Variants in KIZ observed in about 807,000 individuals in gnomAD.
KIZ encodes centrosomal protein kizuna.
Under a neutral mutation model 79.6 loss-of-function variants are expected in KIZ, and 68 were observed. The observed-to-expected ratio is 0.85, with a 90% CI of 0.70 to 1.05. The LOEUF is 1.05. Ranked by LOEUF, KIZ falls within the 50% of genes least tolerant of loss-of-function variation. The pLI is 0.00. For missense variants in KIZ, 797 were observed against 800.4 expected, an observed-to-expected ratio of 1.00 and a Z score of 0.05; for synonymous variants, 280 against 281.8, an observed-to-expected ratio of 0.99 and a Z score of 0.06.
At chr20:21,239,759 T>A (rs1285099293) in intron 11 of KIZ, among the ~76,000 whole-genome samples, 3 of 152,238 alleles carry the variant, frequency 2.0e-5, no homozygotes, top group African/African-American at 7.2e-5. Context: ...GTATAGAGTG[T>A]TCACTGTGTG....
At chr20:21,184,406 T>C (rs943334801) in intron 6 of KIZ, among the ~76,000 whole-genome samples, 1 of 152,202 alleles carries the variant, frequency 6.6e-6, no homozygotes, top group Non-Finnish European at 1.5e-5. Context: ...CTGCTCGGCC[T>C]CCCAAAGGGC....
chr20:21,208,316 CT>C (rs1380337541), intron 7 of KIZ, among the ~76,000 whole-genome samples: 2 of 152,140 alleles, frequency 1.3e-5, no homozygotes, highest in Non-Finnish European at 2.9e-5. Context: ...TCTGTTTCCC[CT>C]AATAGATCTT....
At chr20:21,190,488 A>C (rs1252018610) in intron 6 of KIZ, among the ~76,000 whole-genome samples, 1 of 152,240 alleles carries the variant, frequency 6.6e-6, no homozygotes, top group Non-Finnish European at 1.5e-5. Flanking sequence ...TGTGGATGGG[A>C]GAGTCACTAG....
At chr20:21,186,969 C>T (rs1275167221) in intron 6 of KIZ, among the ~76,000 whole-genome samples, 2 of 152,088 alleles carry the variant, frequency 1.3e-5, no homozygotes, top group Non-Finnish European at 2.9e-5. Context: ...CAGTTTAATA[C>T]AGGGCAGGTT....
At chr20:21,192,759 G>T (rs2035169617) in intron 6 of KIZ, among the ~76,000 whole-genome samples, 1 of 152,138 alleles carries the variant, frequency 6.6e-6, no homozygotes, top group African/African-American at 2.4e-5. Flanking sequence ...GGGGAGGGGA[G>T]ATGGGGAAAG....
intron 7 of KIZ, 92 bp downstream of exon 7, chr20:21,205,676 G>T (rs199869145): frequency 1.9e-6 from 1 of 537,786 alleles, no homozygotes; most frequent in South Asian, 2.7e-5. Context: ...AAAAAAAAAA[G>T]TTTTGGCCAG....
intron 6 of KIZ, chr20:21,166,122 A>T: frequency 1.3e-6 from 1 of 790,812 alleles, no homozygotes; most frequent in East Asian, 2.6e-5. Flanking sequence ...ATGTGCCGCC[A>T]TGCTTGGCTA....
rs1327313835 is a variant in KIZ at position 21,209,919 on chromosome 20, A to G, written c.1446+4335A>G. Reference sequence around the variant, plus strand: ...GAAATTGGATTTCTTTAGAGCGAGCATATGTTTTCTTTTAAAAACAAGCAT... The same window carrying G: ...GAAATTGGATTTCTTTAGAGCGAGCGTATGTTTTCTTTTAAAAACAAGCAT... On this transcript the variant is annotated intron_variant, in intron 7 of 12. Coordinates refer to ENST00000619189, the MANE Select transcript of KIZ (RefSeq NM_018474.6). Among the ~76,000 whole-genome samples the G allele has an allele frequency of 2.6e-5, 3 of 114,790 alleles. No homozygotes were observed. In the East Asian group the frequency reaches 8.2e-4, roughly 32 times the overall value. 75.3% of individuals were successfully genotyped at this position (114,790 alleles called of 152,430 possible).
chr20:21,128,612 TAC>T (rs2031636754), intron 1 of KIZ, among the ~76,000 whole-genome samples: 1 of 152,230 alleles, frequency 6.6e-6, no homozygotes, highest in Non-Finnish European at 1.5e-5. Flanking sequence ...CCTATGTGTG[TAC>T]AGTGTTTTTT....
At chr20:21,210,972 T>C (rs1249642152) in intron 7 of KIZ, among the ~76,000 whole-genome samples, 1 of 152,206 alleles carries the variant, frequency 6.6e-6, no homozygotes, top group African/African-American at 2.4e-5. Flanking sequence ...TTGCAAAAAC[T>C]TTTTAAATAT....
intron 9 of KIZ, among the ~76,000 whole-genome samples, chr20:21,225,154 A>T (rs1034391669): frequency 1.3e-5 from 2 of 152,052 alleles, no homozygotes; most frequent in Non-Finnish European, 2.9e-5. Context: ...TGTAGACTGC[A>T]TGAGATGGCC....
chr20:21,185,266 T>C (rs1301752305), intron 6 of KIZ, among the ~76,000 whole-genome samples: 1 of 152,182 alleles, frequency 6.6e-6, no homozygotes. Flanking sequence ...CGGTTTTCCT[T>C]TGTCAGTGTA....
intron 9 of KIZ, among the ~76,000 whole-genome samples, chr20:21,227,102 T>C (rs767147281): frequency 1.3e-5 from 2 of 152,230 alleles, no homozygotes; most frequent in South Asian, 2.1e-4. Flanking sequence ...TCACTTCACA[T>C]TGGTAATTTC....
chr20:21,152,469 G>C (rs908567557), intron 4 of KIZ, among the ~76,000 whole-genome samples: 10 of 152,052 alleles, frequency 6.6e-5, no homozygotes, highest in Admixed American at 5.2e-4. Context: ...CTATCCCTCT[G>C]ATGTAGTTCT....
upstream of KIZ, chr20:21,125,983 G>A (rs980227454): frequency 4.7e-6 from 6 of 1,274,270 alleles, no homozygotes; most frequent in Non-Finnish European, 6.0e-6. Flanking sequence ...CCGCCCCCAC[G>A]GCGTCTTGCC....
At chr20:21,207,426 A>C (rs1600540661) in intron 7 of KIZ, among the ~76,000 whole-genome samples, 25 of 115,718 alleles carry the variant, frequency 2.2e-4, no homozygotes, top group African/African-American at 3.6e-4. Flanking sequence ...TTTGTTTCAG[A>C]CCCCCTCCTC....
chr20:21,219,764 AT>A (rs2036439952), intron 9 of KIZ, among the ~76,000 whole-genome samples: 1 of 151,874 alleles, frequency 6.6e-6, no homozygotes, highest in South Asian at 2.1e-4. Context: ...TCCCTTTCTC[AT>A]TTGCTTATCA....
chr20:21,198,428 G>A (rs2035450899), intron 6 of KIZ: 1 of 152,322 alleles, frequency 6.6e-6, no homozygotes, highest in Non-Finnish European at 1.5e-5. Context: ...CTCAGGAGTG[G>A]TCAGTAGATG....
At position 21,228,476 on chromosome 20, in the gene KIZ, C is replaced by T. The variant is rs1486503095; in HGVS notation, c.1679-535C>T. On this transcript the variant is annotated intron_variant, in intron 9 of 12. Transcript: ENST00000619189. ...CACCTGGCTTTGCTCTCTACAAACC[C>T]GTTCTCGCTCCTTCCCCATGGCAAG... is the stretch of plus-strand genomic sequence containing the variant. Among the ~76,000 whole-genome samples the T allele has an allele frequency of 3.9e-5, 6 of 152,112 alleles. No individual in the cohort carries two copies. In the East Asian group the frequency reaches 1.2e-3, roughly 29 times the overall value.
Sources: gnomAD v4.1 joint callset for allele counts (sites outside exome capture counted in the v4.1 genomes callset) on GRCh38, gnomAD v4.1.1 for gene constraint, MANE v1.5 for transcripts, NCBI Gene and HGNC (gene_info 2026-07-23, HGNC 2026-07-21) for gene names.